Variants in BICC1 observed in about 807,000 individuals in gnomAD.
BICC1 encodes protein bicaudal C homolog 1.
A neutral mutation model predicts 111.0 loss-of-function variants in BICC1; 43 were observed. That is an observed-to-expected ratio of 0.39 (90% CI 0.30 to 0.50). The LOEUF is 0.50. BICC1 is among the 20% of genes least tolerant of loss of function. The pLI is 0.88. For missense variants in BICC1, 1,091 were observed against 1,203.2 expected, an observed-to-expected ratio of 0.91 and a Z score of 1.38; for synonymous variants, 467 against 434.4, an observed-to-expected ratio of 1.07 and a Z score of -0.93.
At chr10:58,715,514 G>A (rs1840712172) in intron 3 of BICC1, 1 of 1,213,866 alleles carries the variant, frequency 8.2e-7, no homozygotes, top group Non-Finnish European at 1.2e-6. Flanking sequence ...TCTCTGGCCT[G>A]GTTTCCCTCG....
At chr10:58,523,138 G>A (rs1467018567) in intron 1 of BICC1, among the ~76,000 whole-genome samples, 1 of 152,106 alleles carries the variant, frequency 6.6e-6, no homozygotes, top group Non-Finnish European at 1.5e-5. Flanking sequence ...AGGAGGAGCT[G>A]GTACCATTCC....
chr10:58,515,099 C>T (rs998115986), intron 1 of BICC1, among the ~76,000 whole-genome samples: 1 of 152,070 alleles, frequency 6.6e-6, no homozygotes, highest in African/African-American at 2.4e-5. Flanking sequence ...ATTTTCACTT[C>T]GAATAAAATG....
chr10:58,683,281 C>T (rs973444093), intron 2 of BICC1, among the ~76,000 whole-genome samples: 7 of 152,098 alleles, frequency 4.6e-5, no homozygotes, highest in African/African-American at 1.7e-4. Flanking sequence ...TTTTGGTTAC[C>T]ATAGCCTTGT....
chr10:58,518,042 A>G (rs1842289030), intron 1 of BICC1, among the ~76,000 whole-genome samples: 2 of 152,282 alleles, frequency 1.3e-5, no homozygotes, highest in South Asian at 4.1e-4. Flanking sequence ...ATACTTGTAA[A>G]GGTGGGTGGG....
At chr10:58,753,306 C>A (rs1321475016) in intron 3 of BICC1, among the ~76,000 whole-genome samples, 2 of 152,068 alleles carry the variant, frequency 1.3e-5, no homozygotes, top group Admixed American at 6.6e-5. Context: ...GCAATTGGGA[C>A]CCCAGGCACA....
chr10:58,534,309 A>G (rs1351371613), intron 1 of BICC1, among the ~76,000 whole-genome samples: 1 of 151,660 alleles, frequency 6.6e-6, no homozygotes, highest in Non-Finnish European at 1.5e-5. Flanking sequence ...CTAAACAGAA[A>G]AACTGAAAGG....
rs1838396616 is a variant in BICC1 at position 58,650,025 on chromosome 10, G to C, written c.237+29124G>C. 3 of 152,106 alleles carry C rather than the reference G, an allele frequency of 2.0e-5. No individual in the cohort carries two copies. The South Asian group carries it at 6.2e-4, about 32-fold the overall frequency. 9.4% of individuals were successfully genotyped at this position (152,106 alleles called of 1,614,324 possible). On this transcript the variant is annotated intron_variant, in intron 2 of 20. Transcript: ENST00000373886. ...CACTACGTAGCTACATAAAAATAATGAAACAACATTTCATGAAACAATACT... is the reference window on the plus strand; with the variant it reads ...CACTACGTAGCTACATAAAAATAATCAAACAACATTTCATGAAACAATACT...
intron 2 of BICC1, among the ~76,000 whole-genome samples, chr10:58,630,812 C>T (rs1186674402): frequency 1.3e-5 from 2 of 151,918 alleles, no homozygotes; most frequent in Non-Finnish European, 2.9e-5. Context: ...AGTGAGTGCC[C>T]CAAATTAAGT....
At chr10:58,634,672 G>A (rs988062214) in intron 2 of BICC1, among the ~76,000 whole-genome samples, 2 of 152,098 alleles carry the variant, frequency 1.3e-5, no homozygotes, top group Admixed American at 6.5e-5. Flanking sequence ...ACACAGTGGC[G>A]AGGGTTGCCA....
At chr10:58,754,901 G>A (rs1050727905) in intron 3 of BICC1, among the ~76,000 whole-genome samples, 2 of 152,096 alleles carry the variant, frequency 1.3e-5, no homozygotes, top group East Asian at 1.9e-4. Flanking sequence ...TAATGCCATT[G>A]GTCCTTAGCT....
intron 1 of BICC1, among the ~76,000 whole-genome samples, chr10:58,535,328 A>G (rs1386098601): frequency 6.6e-6 from 1 of 151,750 alleles, no homozygotes; most frequent in African/African-American, 2.4e-5. Context: ...TTCTAAGAAC[A>G]GCGAGACAAA....
intron 20 of BICC1, among the ~76,000 whole-genome samples, chr10:58,821,649 T>A (rs1305592668): frequency 1.3e-5 from 2 of 152,096 alleles, no homozygotes; most frequent in African/African-American, 4.8e-5. Context: ...TCCCAGAACT[T>A]CTTCTAAAAT....
chr10:58,600,311 T>C (rs995859353), intron 1 of BICC1, among the ~76,000 whole-genome samples: 1 of 152,142 alleles, frequency 6.6e-6, no homozygotes, highest in Non-Finnish European at 1.5e-5. Flanking sequence ...GCTTTCTGTT[T>C]ATAGCCACTG....
chr10:58,567,118 G>C (rs999917967), intron 1 of BICC1, among the ~76,000 whole-genome samples: 2 of 152,150 alleles, frequency 1.3e-5, no homozygotes, highest in South Asian at 4.1e-4. Flanking sequence ...CATAGTGGTG[G>C]GTTAGGCCAT....
In BICC1 at chr10:58,526,697, C is replaced by G. The variant is rs555110596; in HGVS notation, c.190+13364C>G. 5.9e-5 allele frequency among the ~76,000 whole-genome samples: 9 copies of G among 152,202 alleles called. No homozygotes were observed. In the South Asian group the frequency reaches 8.3e-4, roughly 14 times the overall value. On this transcript the variant is annotated intron_variant, in intron 1 of 20. Coordinates refer to ENST00000373886, the MANE Select transcript of BICC1 (RefSeq NM_001080512.3). Reference sequence around the variant, plus strand: ...TGCGGTGTTTGGTTTTCTGTCCTTGCGATAGTTTGCTGAGAATGATGGTTT... The same window carrying G: ...TGCGGTGTTTGGTTTTCTGTCCTTGGGATAGTTTGCTGAGAATGATGGTTT...
chr10:58,587,270 C>T (rs1484037316), intron 1 of BICC1, among the ~76,000 whole-genome samples: 1 of 152,062 alleles, frequency 6.6e-6, no homozygotes, highest in African/African-American at 2.4e-5. Context: ...TCATCTATCC[C>T]ATGTATTTTC....
chr10:58,713,230 T>A (rs1412135378), intron 3 of BICC1, among the ~76,000 whole-genome samples: 1 of 152,224 alleles, frequency 6.6e-6, no homozygotes, highest in Non-Finnish European at 1.5e-5. Flanking sequence ...ACTCTGTGAC[T>A]GCTGCTCTCT....
chr10:58,808,187 G>C (rs1843773865), intron 17 of BICC1, among the ~76,000 whole-genome samples: 1 of 151,952 alleles, frequency 6.6e-6, no homozygotes, highest in African/African-American at 2.4e-5. Context: ...ATGGCAGGCT[G>C]TGTTTTAAAG....
At chr10:58,565,475 G>A (rs1843726990) in intron 1 of BICC1, among the ~76,000 whole-genome samples, 1 of 152,204 alleles carries the variant, frequency 6.6e-6, no homozygotes, top group South Asian at 2.1e-4. Flanking sequence ...GTTTAGGAAA[G>A]AGGGCAATAA....
Sources: allele counts gnomAD v4.1 joint callset (sites outside exome capture counted in the v4.1 genomes callset), GRCh38; gene constraint gnomAD v4.1.1; transcripts MANE v1.5; gene names NCBI Gene and HGNC (gene_info 2026-07-23, HGNC 2026-07-21).